Variants in NXPE4 observed in about 807,000 individuals in gnomAD.
NXPE4 encodes neurexophilin and PC-esterase domain family member 4.
Under a neutral mutation model 33.3 loss-of-function variants are expected in NXPE4, and 42 were observed. The observed-to-expected ratio is 1.26, with a 90% CI of 0.98 to 1.63. NXPE4 has a LOEUF of 1.63. Among genes scored for constraint, NXPE4 ranks in the 40% most tolerant of loss-of-function variants. The pLI, the probability that NXPE4 is intolerant of heterozygous loss-of-function variation, is 0.00. For missense variants in NXPE4, 709 were observed against 647.6 expected (o/e 1.09, Z -1.03); for synonymous variants, 253 against 234.9 (o/e 1.08, Z -0.71).
At chr11:114,639,439 C>T in the NXPE4 span, among the ~76,000 whole-genome samples, 2 of 151,904 alleles carry the variant, frequency 1.3e-5, no homozygotes, top group South Asian at 4.1e-4. Context: ...CAATGCCATG[C>T]TCTGCTTCGG....
At chr11:114,639,908 A>G in the NXPE4 span, among the ~76,000 whole-genome samples, 7 of 114,982 alleles carry the variant, frequency 6.1e-5, no homozygotes. Context: ...ATTAAATATA[A>G]AATATAATAT....
the NXPE4 span, among the ~76,000 whole-genome samples, chr11:114,614,882 T>C: frequency 6.6e-6 from 1 of 151,990 alleles, no homozygotes; most frequent in African/African-American, 2.4e-5. Context: ...CAGTGTATAA[T>C]AGGTATTGCC....
chr11:114,668,765 C>G, the NXPE4 span, among the ~76,000 whole-genome samples: 1 of 151,988 alleles, frequency 6.6e-6, no homozygotes, highest in African/African-American at 2.4e-5. Flanking sequence ...TAGAAGCCAA[C>G]TATTAGGACA....
the NXPE4 span, among the ~76,000 whole-genome samples, chr11:114,640,771 C>T: frequency 5.3e-5 from 8 of 151,786 alleles, 1 homozygote; most frequent in Non-Finnish European, 1.2e-4. Context: ...AAATGTGTGT[C>T]CATGTAATTT....
At chr11:114,652,579 G>C in the NXPE4 span, among the ~76,000 whole-genome samples, 2 of 152,220 alleles carry the variant, frequency 1.3e-5, no homozygotes, top group Admixed American at 1.3e-4. Flanking sequence ...AACACAGTGA[G>C]TGTTGCTCGA....
the NXPE4 span, among the ~76,000 whole-genome samples, chr11:114,677,776 A>G: frequency 1.3e-5 from 2 of 152,192 alleles, no homozygotes; most frequent in African/African-American, 2.4e-5. Context: ...GCTATCATCT[A>G]TCTATATCTG....
At chr11:114,583,180 T>C in intron 2 of NXPE4, 159 bp from the exon 3 acceptor site, 1 of 842,956 alleles carries the variant, frequency 1.2e-6, no homozygotes, top group Non-Finnish European at 1.8e-6. Context: ...CAATATTATT[T>C]AAATTCTCCA....
chr11:114,663,253 T>A, the NXPE4 span, among the ~76,000 whole-genome samples: 6 of 152,244 alleles, frequency 3.9e-5, no homozygotes, highest in South Asian at 1.2e-3. Context: ...TGTCTTGTGG[T>A]TTCAGTGCCA....
At chr11:114,593,383 T>A (rs893678409) in intron 2 of NXPE4, among the ~76,000 whole-genome samples, 2 of 152,092 alleles carry the variant, frequency 1.3e-5, no homozygotes, top group African/African-American at 4.8e-5. Context: ...AATAGACACT[T>A]ACTAGAAGAT....
the NXPE4 span, among the ~76,000 whole-genome samples, chr11:114,650,055 G>C: frequency 6.6e-6 from 1 of 152,052 alleles, no homozygotes; most frequent in Non-Finnish European, 1.5e-5. Flanking sequence ...CAAAAACACT[G>C]CTTCCACCCT....
At chr11:114,665,558 A>G in the NXPE4 span, among the ~76,000 whole-genome samples, 1 of 152,178 alleles carries the variant, frequency 6.6e-6, no homozygotes. Context: ...TATTTCAACA[A>G]CTTCTCTGAA....
At chr11:114,610,187 G>C in the NXPE4 span, among the ~76,000 whole-genome samples, 1 of 151,854 alleles carries the variant, frequency 6.6e-6, no homozygotes, top group Non-Finnish European at 1.5e-5. Context: ...AATAAGTATT[G>C]CCACGTGGGT....
chr11:114,621,831 G>A, the NXPE4 span, among the ~76,000 whole-genome samples: 13 of 151,824 alleles, frequency 8.6e-5, no homozygotes, highest in Non-Finnish European at 1.5e-4. Context: ...ACTGTTACCT[G>A]CTGGAAAATA....
the NXPE4 span, among the ~76,000 whole-genome samples, chr11:114,623,057 C>A: frequency 6.6e-6 from 1 of 152,128 alleles, no homozygotes; most frequent in Non-Finnish European, 1.5e-5. Context: ...ATAAGTGTTG[C>A]CTTGAGGGTA....
chr11:114,597,453 T>C (rs546274128), upstream of NXPE4, among the ~76,000 whole-genome samples: 6 of 152,304 alleles, frequency 3.9e-5, no homozygotes, highest in South Asian at 1.2e-3. Context: ...AAATTAACCT[T>C]GTGATATTCA....
chr11:114,617,787 T>C, the NXPE4 span, among the ~76,000 whole-genome samples: 10 of 152,056 alleles, frequency 6.6e-5, no homozygotes, highest in Admixed American at 6.6e-4. Context: ...GCCTTGTGGG[T>C]AAGCACGGTT....
At chr11:114,608,517 G>A in the NXPE4 span, among the ~76,000 whole-genome samples, 21 of 152,020 alleles carry the variant, frequency 1.4e-4, no homozygotes, top group African/African-American at 4.6e-4. Flanking sequence ...GTGTTGCCTC[G>A]TGGGTAAGCA....
At chr11:114,639,316 C>T in the NXPE4 span, among the ~76,000 whole-genome samples, 22,039 of 151,940 alleles carry the variant, frequency 0.15, 2,048 homozygotes, top group East Asian at 0.38. Context: ...TTAAGCCCGT[C>T]GGAAAAGTGC....
chr11:114,601,436 T>C, the NXPE4 span, among the ~76,000 whole-genome samples: 1 of 129,638 alleles, frequency 7.7e-6, no homozygotes, highest in Non-Finnish European at 1.6e-5. Flanking sequence ...TCTTTTTAAA[T>C]TTATGTATAT....
Sources: gnomAD v4.1 joint callset for allele counts (sites outside exome capture counted in the v4.1 genomes callset) on GRCh38, gnomAD v4.1.1 for gene constraint, MANE v1.5 for transcripts, NCBI Gene and HGNC (gene_info 2026-07-23, HGNC 2026-07-21) for gene names.